Variants in SYN3 observed in about 807,000 individuals in gnomAD.
SYN3 encodes the protein synapsin III.
SYN3 carries 35 observed loss-of-function variants against 65.8 expected under a neutral mutation model. That is an observed-to-expected ratio of 0.53 (90% CI 0.41 to 0.70). SYN3 has a LOEUF of 0.70. SYN3 is among the 30% of genes least tolerant of loss of function. SYN3 has a pLI of 0.00. For missense variants in SYN3, 680 were observed against 749.0 expected (o/e 0.91, Z 1.08); for synonymous variants, 270 against 292.9 (o/e 0.92, Z 0.80).
chr22:32,697,184 CTA>C (rs923904777), intron 6 of SYN3, among the ~76,000 whole-genome samples: 14 of 152,140 alleles, frequency 9.2e-5, no homozygotes, highest in Admixed American at 6.5e-5. Context: ...GTGGGCCACT[CTA>C]TTAAAATCCA....
chr22:32,517,349 C>G (rs1466947950), intron 13 of SYN3, among the ~76,000 whole-genome samples: 1 of 152,072 alleles, frequency 6.6e-6, no homozygotes, highest in Non-Finnish European at 1.5e-5. Flanking sequence ...AGGATGAGAC[C>G]CCATGGAGAG....
At chr22:32,851,834 G>A (rs745488455) in intron 6 of SYN3, among the ~76,000 whole-genome samples, 15 of 152,056 alleles carry the variant, frequency 9.9e-5, no homozygotes, top group Non-Finnish European at 1.9e-4. Flanking sequence ...CATAGAACTG[G>A]TCAGTGCCCT....
chr22:32,562,136 TC>T (rs1332603749), intron 7 of SYN3, among the ~76,000 whole-genome samples: 1 of 151,978 alleles, frequency 6.6e-6, no homozygotes. Context: ...AGAGATAACA[TC>T]CCCCCCAATA....
At chr22:32,581,295 A>G (rs1373850926) in intron 7 of SYN3, among the ~76,000 whole-genome samples, 2 of 152,158 alleles carry the variant, frequency 1.3e-5, no homozygotes, top group African/African-American at 2.4e-5. Flanking sequence ...TTTTTAGCAG[A>G]GACGGGTTTC....
intron 6 of SYN3, among the ~76,000 whole-genome samples, chr22:32,611,983 C>T (rs1313813596): frequency 2.0e-5 from 3 of 152,110 alleles, no homozygotes; most frequent in Non-Finnish European, 4.4e-5. Context: ...TGTGATGAGG[C>T]TTCCATAAAA....
chr22:32,634,006 A>G (rs895677946), intron 6 of SYN3, among the ~76,000 whole-genome samples: 19 of 152,158 alleles, frequency 1.2e-4, no homozygotes, highest in African/African-American at 4.3e-4. Context: ...AGGACCATCA[A>G]GGGACTGCCA....
chr22:32,941,031 C>T (rs2050920615), intron 3 of SYN3, among the ~76,000 whole-genome samples: 1 of 152,164 alleles, frequency 6.6e-6, no homozygotes, highest in South Asian at 2.1e-4. Context: ...TTCTACTATT[C>T]CTTGCTTTGC....
intron 6 of SYN3, among the ~76,000 whole-genome samples, chr22:32,662,563 G>C (rs1296215801): frequency 6.6e-6 from 1 of 152,244 alleles, no homozygotes; most frequent in East Asian, 1.9e-4. Context: ...AACTGGCTAC[G>C]GGTCTTTGGC....
intron 6 of SYN3, among the ~76,000 whole-genome samples, chr22:32,731,426 C>T (rs920867265): frequency 5.9e-5 from 9 of 152,170 alleles, no homozygotes; most frequent in Non-Finnish European, 7.4e-5. Flanking sequence ...AGCTGCCAGC[C>T]GCTCTTTCTG....
intron 6 of SYN3, among the ~76,000 whole-genome samples, chr22:32,636,539 G>A (rs1247370134): frequency 6.6e-6 from 1 of 152,180 alleles, no homozygotes; most frequent in Non-Finnish European, 1.5e-5. Flanking sequence ...ATTGCTAGAT[G>A]GACTTGACAC....
At chr22:32,692,942 G>A (rs2060685933) in intron 6 of SYN3, among the ~76,000 whole-genome samples, 1 of 152,032 alleles carries the variant, frequency 6.6e-6, no homozygotes, top group South Asian at 2.1e-4. Flanking sequence ...AATATATTTG[G>A]AGGGCTCCCA....
intron 1 of SYN3, among the ~76,000 whole-genome samples, chr22:33,038,182 C>G (rs1285481779): frequency 1.3e-5 from 2 of 152,214 alleles, no homozygotes; most frequent in Admixed American, 1.3e-4. Context: ...TTTTGCCAAA[C>G]AGCAGTAATG....
chr22:32,545,687 A>T (rs991405681), intron 7 of SYN3, among the ~76,000 whole-genome samples: 1 of 152,082 alleles, frequency 6.6e-6, no homozygotes, highest in African/African-American at 2.4e-5. Context: ...CAGCCTCTCA[A>T]GTAGCTGGGA....
At chr22:32,966,532 C>T (rs1157344081) in intron 3 of SYN3, among the ~76,000 whole-genome samples, 1 of 152,138 alleles carries the variant, frequency 6.6e-6, no homozygotes, top group South Asian at 2.1e-4. Context: ...CAGGTCAGCC[C>T]TTTATGCATG....
chr22:32,739,563 T>G (rs1222784967), intron 6 of SYN3, among the ~76,000 whole-genome samples: 1 of 152,292 alleles, frequency 6.6e-6, no homozygotes, highest in South Asian at 2.1e-4. Context: ...ATTACTGATA[T>G]CTACCTGGTC....
Position 32,512,451 on chromosome 22 carries a change from C to CT in SYN3, c.*1240dup, listed in dbSNP as rs2057701243. The stretch of plus-strand genomic sequence containing the variant: ...GATTTGGATCACCGCTGAACGCTGT[C>CT]TAAGCATGAGAGGCAGACTGGTATA... On this transcript the variant is annotated 3_prime_UTR_variant, in exon 14 of 14. Transcript: ENST00000358763. 1 of 152,190 alleles carries CT rather than the reference C, an allele frequency of 6.6e-6. No homozygotes were observed. The highest frequency in any genetic ancestry group is 1.9e-4 in the East Asian group (1 of 5,192). 9.4% of individuals were successfully genotyped at this position (152,190 alleles called of 1,614,324 possible). A position where few individuals can be genotyped will look rare whatever the true frequency, so the allele number is the denominator to read the frequency against.
chr22:32,670,372 T>C (rs1333549453), intron 6 of SYN3, among the ~76,000 whole-genome samples: 1 of 152,150 alleles, frequency 6.6e-6, no homozygotes, highest in Non-Finnish European at 1.5e-5. Context: ...CACTGGTATA[T>C]TTTGGCTTTA....
intron 1 of SYN3, among the ~76,000 whole-genome samples, chr22:33,023,646 G>T (rs1238929184): frequency 6.6e-6 from 1 of 152,246 alleles, no homozygotes; most frequent in African/African-American, 2.4e-5. Flanking sequence ...AGCCTGGGAG[G>T]TTGAGGCTGC....
At chr22:32,586,081 CATGTATAT>C (rs201531543) in intron 7 of SYN3, among the ~76,000 whole-genome samples, 27,565 of 142,364 alleles carry the variant, frequency 0.19, 3,160 homozygotes, top group South Asian at 0.33. Context: ...TACATGTATA[CATGTATAT>C]ATGTATATAT....
Sources: gnomAD v4.1 joint callset for allele counts (sites outside exome capture counted in the v4.1 genomes callset) on GRCh38, gnomAD v4.1.1 for gene constraint, MANE v1.5 for transcripts, NCBI Gene and HGNC (gene_info 2026-07-23, HGNC 2026-07-21) for gene names.